Variants in DLC1 observed in about 807,000 individuals in gnomAD.
The protein encoded by DLC1 is rho GTPase-activating protein 7.
DLC1 carries 54 observed loss-of-function variants against 140.3 expected under a neutral mutation model. The ratio of observed to expected loss-of-function variants is 0.38; its 90% CI spans 0.31 to 0.48. The LOEUF (loss-of-function observed/expected upper bound fraction) is 0.48. Among genes scored for constraint, DLC1 ranks in the 20% least tolerant of loss-of-function variants. The pLI is 0.96. For missense variants in DLC1, 2,536 were observed against 1,907.0 expected (o/e 1.33, Z -6.14); for synonymous variants, 986 against 728.1 (o/e 1.35, Z -5.70).
chr8:13,392,325 T>C (rs1024435365), intron 4 of DLC1, among the ~76,000 whole-genome samples: 1 of 152,220 alleles, frequency 6.6e-6, no homozygotes, highest in Non-Finnish European at 1.5e-5. Context: ...GCCTAGTGCA[T>C]GGCATATAGT....
At chr8:13,096,362 C>A (rs1357390365) in intron 10 of DLC1, among the ~76,000 whole-genome samples, 1 of 152,156 alleles carries the variant, frequency 6.6e-6, no homozygotes, top group Non-Finnish European at 1.5e-5. Flanking sequence ...CACAGAGGAA[C>A]TCCAGAGAAG....
chr8:13,507,878 G>T (rs2117237897), intron 1 of DLC1, among the ~76,000 whole-genome samples: 1 of 152,180 alleles, frequency 6.6e-6, no homozygotes, highest in African/African-American at 2.4e-5. Context: ...CGTTCCATCA[G>T]GTTTAGTCTT....
At chr8:13,568,359 CTA>C (rs1804530385) in intron 1 of DLC1, 1 of 179,978 alleles carries the variant, frequency 5.6e-6, no homozygotes, top group African/African-American at 2.4e-5. Context: ...CAGAAGAGGA[CTA>C]TGTTTGATGG....
chr8:13,095,489 T>C (rs1818434805), intron 10 of DLC1: 2 of 517,546 alleles, frequency 3.9e-6, no homozygotes, highest in Non-Finnish European at 3.5e-6. Flanking sequence ...AGAACATTCC[T>C]ATCATCCAGA....
chr8:13,229,581 A>G (rs1015231525), intron 5 of DLC1, among the ~76,000 whole-genome samples: 2 of 152,124 alleles, frequency 1.3e-5, no homozygotes, highest in African/African-American at 2.4e-5. Context: ...ACTTTTTAGT[A>G]TATAAATTAT....
chr8:13,347,885 C>G (rs747685148), intron 4 of DLC1, among the ~76,000 whole-genome samples: 2 of 152,040 alleles, frequency 1.3e-5, no homozygotes, highest in African/African-American at 2.4e-5. Context: ...GTCAGGATAT[C>G]GAGACCATCC....
At position 13,090,415 on chromosome 8, in the gene DLC1, G is replaced by A; in HGVS notation, c.3911C>T (p.Pro1304Leu). The A allele has an allele frequency of 6.2e-7, 1 of 1,614,142 alleles. No homozygotes were observed. The highest frequency in any genetic ancestry group is 2.2e-5 in the East Asian group (1 of 44,872). Reference sequence around the variant, plus strand: ...GTGCCCGAGTGCTTCCAGAGTGAGGGGCTTCAGCTCTTGTTCGGTATAGGA... The same window carrying A: ...GTGCCCGAGTGCTTCCAGAGTGAGGAGCTTCAGCTCTTGTTCGGTATAGGA... ...RNSYTEQELK[P>L]LTLEALGHLG... The change falls in exon 15 of 18, where the codon CCC becomes CTC. Residue 1304 changes from proline (P) to leucine (L), a missense_variant. Pro to Leu is a moderately conservative substitution (Grantham distance 98). Transcript: ENST00000276297.
chr8:13,471,493 G>C (rs376153022), intron 2 of DLC1, among the ~76,000 whole-genome samples: 3 of 131,038 alleles, frequency 2.3e-5, no homozygotes, highest in Admixed American at 7.6e-5. Flanking sequence ...GGAAGGAAGG[G>C]AGGCAGGGAA....
intron 2 of DLC1, among the ~76,000 whole-genome samples, chr8:13,421,236 ATAT>A (rs1473068518): frequency 6.6e-6 from 1 of 152,100 alleles, no homozygotes; most frequent in African/African-American, 2.4e-5. Context: ...TAGCTGCCTT[ATAT>A]TATTAAGCTT....
At chr8:13,197,975 A>T (rs919928995) in intron 5 of DLC1, among the ~76,000 whole-genome samples, 3 of 152,068 alleles carry the variant, frequency 2.0e-5, no homozygotes, top group African/African-American at 7.2e-5. Flanking sequence ...GCCTAGGTGC[A>T]GTAGCTCACA....
chr8:13,121,323 A>C (rs750393409), intron 5 of DLC1, among the ~76,000 whole-genome samples: 1 of 152,182 alleles, frequency 6.6e-6, no homozygotes, highest in Non-Finnish European at 1.5e-5. Context: ...AATGGGAAGG[A>C]AGATACTGCT....
chr8:13,371,954 G>C (rs1357424305), intron 4 of DLC1, among the ~76,000 whole-genome samples: 1 of 152,144 alleles, frequency 6.6e-6, no homozygotes, highest in Admixed American at 6.6e-5. Flanking sequence ...TATCATAAAA[G>C]GAGAAAATAA....
At chr8:13,278,607 C>G (rs901283990) in intron 5 of DLC1, among the ~76,000 whole-genome samples, 1 of 152,164 alleles carries the variant, frequency 6.6e-6, no homozygotes, top group African/African-American at 2.4e-5. Context: ...TTCCTAACTC[C>G]TCCTAGGCAC....
intron 1 of DLC1, among the ~76,000 whole-genome samples, chr8:13,548,137 A>G (rs566425649): frequency 6.6e-6 from 1 of 152,062 alleles, no homozygotes; most frequent in Non-Finnish European, 1.5e-5. Context: ...CATAGTAAGA[A>G]TTTAGTATGT....
intron 5 of DLC1, among the ~76,000 whole-genome samples, chr8:13,242,658 G>A (rs909701094): frequency 6.6e-6 from 1 of 152,116 alleles, no homozygotes; most frequent in African/African-American, 2.4e-5. Flanking sequence ...CTGTGAAAGT[G>A]CTGCGATTAC....
intron 4 of DLC1, among the ~76,000 whole-genome samples, chr8:13,366,569 T>C (rs753303600): frequency 2.0e-5 from 3 of 152,244 alleles, no homozygotes; most frequent in African/African-American, 4.8e-5. Context: ...TCTTGACTTA[T>C]ACTTCAGTGT....
At chr8:13,309,760 G>A (rs779365033) in intron 4 of DLC1, among the ~76,000 whole-genome samples, 6 of 152,120 alleles carry the variant, frequency 3.9e-5, no homozygotes, top group Non-Finnish European at 8.8e-5. Context: ...CACACCAACC[G>A]CACAGAAGCT....
At chr8:13,186,080 G>C (rs1418168028) in intron 5 of DLC1, among the ~76,000 whole-genome samples, 3 of 151,746 alleles carry the variant, frequency 2.0e-5, no homozygotes, top group Non-Finnish European at 2.9e-5. Context: ...TGCCCGTAAC[G>C]CTTTTTTCTG....
At position 13,536,749 on chromosome 8, in the gene DLC1, T is replaced by C. The variant is rs533306106; in HGVS notation, c.-125-36553A>G. On this transcript the variant is annotated intron_variant, in intron 1 of 1. Transcript: ENST00000631382. ...CTAGAACCATTAGCCAATGGTGTTT[T>C]TTTGAAGAGATATTGCGTATCCACA... is the stretch of plus-strand genomic sequence containing the variant. Among the ~76,000 whole-genome samples, 38 of 152,302 alleles carry C rather than the reference T, an allele frequency of 2.5e-4. No homozygotes were observed. The South Asian group carries it at 7.9e-3, about 32-fold the overall frequency.
Sources: gnomAD v4.1 joint callset for allele counts (sites outside exome capture counted in the v4.1 genomes callset) on GRCh38, gnomAD v4.1.1 for gene constraint, MANE v1.5 for transcripts, NCBI Gene and HGNC (gene_info 2026-07-23, HGNC 2026-07-21) for gene names.